The following FRS2 variants were observed in gnomAD, a reference collection of about 807,000 sequenced individuals.
FRS2 encodes FGFR signalling adaptor.
A neutral mutation model predicts 43.9 loss-of-function variants in FRS2; 8 were observed. That is an observed-to-expected ratio of 0.18 (90% CI 0.11 to 0.33). FRS2 has a LOEUF of 0.33. Ranked by LOEUF, FRS2 falls within the 10% of genes least tolerant of loss-of-function variation. FRS2 has a pLI of 1.00. For synonymous variants in FRS2, 219 were observed against 220.3 expected (o/e 0.99, Z 0.05); for missense variants, 534 against 627.6 (o/e 0.85, Z 1.59).
At position 69,569,080 on chromosome 12, in the gene FRS2, A is replaced by G; in HGVS notation, c.50A>G (p.His17Arg). ...CPDKDTVPDNHRNKFKVINVD... is the reference protein window; with the variant it reads ...CPDKDTVPDNRRNKFKVINVD... ...GATAAAGACACTGTCCCAGATAACC[A>G]TCGGAACAAGTTTAAGGTCAGTAAA... The change falls in exon 5 of 9, where the codon CAT (histidine) becomes CGT (arginine). Residue 17 changes from histidine to arginine, a missense_variant. This residue lies in a region of FRS2 where 76 missense variants were observed against 90.5 expected (regional missense o/e 0.84). Coordinates refer to ENST00000549921, the MANE Select transcript of FRS2 (RefSeq NM_001278356.2). 2.5e-6 allele frequency: 4 copies of G among 1,610,964 alleles called. No individual in the cohort carries two copies. Among genetic ancestry groups the G allele is most frequent in the Non-Finnish European group, 3.4e-6 (4 of 1,177,558 alleles).
At position 69,576,298 on chromosome 12, in the gene FRS2, A is replaced by T. The variant is rs532401920; in HGVS notation, c.*1343A>T. On this transcript the variant is annotated 3_prime_UTR_variant, in exon 9 of 9. Transcript: ENST00000549921. ...TATCCTTCGATTTCCATGAAATATT[A>T]ATATTGTTGCCAGCATAGCAGGTAC... 43 of 152,292 alleles carry T rather than the reference A, an allele frequency of 2.8e-4. No individual in the cohort carries two copies. The highest frequency in any genetic ancestry group is 9.4e-4 in the African/African-American group (39 of 41,566). The allele number at this position is 152,292 out of a possible 1,614,324, so 9.4% of individuals were successfully genotyped here. A position where few individuals can be genotyped will look rare whatever the true frequency, so the allele number is the denominator to read the frequency against.
At chr12:69,510,448 C>G (rs534201361) in intron 1 of FRS2, among the ~76,000 whole-genome samples, 1 of 152,140 alleles carries the variant, frequency 6.6e-6, no homozygotes, top group Admixed American at 6.6e-5. Flanking sequence ...AATACATATT[C>G]TGATACAGTT....
chr12:69,542,505 A>G (rs1292649222), intron 3 of FRS2, among the ~76,000 whole-genome samples: 1 of 152,202 alleles, frequency 6.6e-6, no homozygotes, highest in African/African-American at 2.4e-5. Flanking sequence ...GACTAGCTCT[A>G]AAATTCTTTA....
In FRS2 at chr12:69,555,346, T is replaced by C. The variant is rs192652429; in HGVS notation, c.-121-6834T>C. On this transcript the variant is annotated intron_variant, in intron 3 of 8. Transcript: ENST00000549921. ...AGGCATGAGCCACTGTGCCCAGCCC[T>C]TTTTTCTTATACTTAATTTTATATC... is the stretch of plus-strand genomic sequence containing the variant. Among the ~76,000 whole-genome samples the C allele has an allele frequency of 2.8e-3, 432 of 152,206 alleles. 4 individuals carry two copies. Among genetic ancestry groups the C allele is most frequent in the African/African-American group, 9.6e-3 (400 of 41,550 alleles).
intron 1 of FRS2, among the ~76,000 whole-genome samples, chr12:69,501,718 G>A (rs1873459893): frequency 6.6e-6 from 1 of 152,148 alleles, no homozygotes; most frequent in Admixed American, 6.5e-5. Context: ...CTCGAACTCT[G>A]GAGGGTGTGG....
At position 69,570,501 on chromosome 12, in the gene FRS2, G is replaced by A. The variant is rs375907210; in HGVS notation, c.237G>A (p.Arg79=). The change falls in exon 6 of 9, where the codon AGG becomes AGA. Residue 79 remains arginine, a synonymous_variant. Coordinates refer to ENST00000549921, the MANE Select transcript of FRS2 (RefSeq NM_001278356.2). ...SNLFSFESGR[R]CQTGQGIFAF... is the part of the protein sequence containing the mutation. The stretch of plus-strand genomic sequence containing the variant: ...TCTTTTCTTTTGAAAGTGGTCGAAG[G>A]TGTCAAACTGGACAAGGTAGAACCT... 113 of 1,608,172 alleles carry A rather than the reference G, an allele frequency of 7.0e-5. No individual in the cohort carries two copies. The highest frequency in any genetic ancestry group is 1.6e-4 in the Middle Eastern group (1 of 6,064).
intron 1 of FRS2, among the ~76,000 whole-genome samples, chr12:69,522,713 T>C (rs520866): frequency 0.094 from 14,242 of 152,264 alleles, 880 homozygotes; most frequent in Non-Finnish European, 0.14. Context: ...TCCTTCTGAC[T>C]TTTTTATGTG....
chr12:69,488,360 A>G (rs114233756), intron 1 of FRS2, among the ~76,000 whole-genome samples: 1,525 of 152,298 alleles, frequency 0.01, 29 homozygotes, highest in African/African-American at 0.035. Flanking sequence ...ACAAAACCCT[A>G]CACTAGCAAA....
chr12:69,562,185 A>G lies in FRS2; in HGVS notation c.-116A>G. On this transcript the variant is annotated 5_prime_UTR_variant, in exon 4 of 9. Coordinates refer to ENST00000549921, the MANE Select transcript of FRS2 (RefSeq NM_001278356.2). The stretch of plus-strand genomic sequence containing the variant: ...TGTTTTTCTTCTGTTTTTAGGTTAA[A>G]TCAGCAAACAAAGAAAACATGGTAT... 2.5e-6 allele frequency: 1 copy of G among 398,242 alleles called. No individual in the cohort carries two copies. The highest frequency in any genetic ancestry group is 4.4e-6 in the Non-Finnish European group (1 of 225,852). 24.7% of individuals were successfully genotyped at this position (398,242 alleles called of 1,614,324 possible).
rs201103216 is a variant in FRS2 at position 69,522,190 on chromosome 12, TTGTGTGTGTGTG to T, written c.-260-8639_-260-8628del. 3.2e-3 allele frequency among the ~76,000 whole-genome samples: 432 copies of T among 134,814 alleles called. 2 individuals carry two copies. Among genetic ancestry groups the T allele is most frequent in the Middle Eastern group, 3.6e-3 (1 of 274 alleles). The allele number at this position is 134,814 out of a possible 152,430, so 88.4% of individuals were successfully genotyped here. ...TCAAGGATATTGGCTGAAGTTTTCTTTGTGTGTGTGTGTGTGTGTGTGTGTGTGTGTGTGTGT... is the reference window on the plus strand; with the variant it reads ...TCAAGGATATTGGCTGAAGTTTTCTTTGTGTGTGTGTGTGTGTGTGTGTGT... On this transcript the variant is annotated intron_variant, in intron 1 of 8. Transcript: ENST00000549921.
chr12:69,555,510 G>A (rs565893139), intron 3 of FRS2, among the ~76,000 whole-genome samples: 3 of 152,274 alleles, frequency 2.0e-5, no homozygotes, highest in South Asian at 4.2e-4. Context: ...TTTCATGAGG[G>A]GGAATGTTAC....
intron 4 of FRS2, among the ~76,000 whole-genome samples, chr12:69,567,142 G>T (rs189657709): frequency 6.6e-6 from 1 of 151,816 alleles, no homozygotes; most frequent in African/African-American, 2.4e-5. Context: ...AAGGTTTATC[G>T]CAGTGCATTA....
At chr12:69,548,857 A>G (rs1231280451) in intron 3 of FRS2, among the ~76,000 whole-genome samples, 4 of 152,204 alleles carry the variant, frequency 2.6e-5, no homozygotes, top group Non-Finnish European at 4.4e-5. Context: ...GCTGCCTAAC[A>G]GGGGCCATTA....
intron 3 of FRS2, among the ~76,000 whole-genome samples, chr12:69,560,769 T>C (rs1291196817): frequency 2.0e-5 from 3 of 152,274 alleles, no homozygotes; most frequent in East Asian, 3.9e-4. Context: ...TTGGTAAAAT[T>C]GTTTTCTTTT....
chr12:69,576,661 A>G lies in FRS2; in HGVS notation c.*1706A>G, dbSNP rs757247333. The stretch of plus-strand genomic sequence containing the variant: ...TAGGACAATGATGGATTAGGAGAAC[A>G]ATAGAGTGGGATCATTATAAAGAAA... On this transcript the variant is annotated 3_prime_UTR_variant, in exon 9 of 9. Coordinates refer to ENST00000549921, the MANE Select transcript of FRS2 (RefSeq NM_001278356.2). The G allele has an allele frequency of 6.6e-6, 1 of 152,224 alleles. No individual in the cohort carries two copies. Among genetic ancestry groups the G allele is most frequent in the Admixed American group, 6.5e-5 (1 of 15,274 alleles). The allele number at this position is 152,224 out of a possible 1,614,324, so 9.4% of individuals were successfully genotyped here. A position where few individuals can be genotyped will look rare whatever the true frequency, so the allele number is the denominator to read the frequency against.
chr12:69,508,428 G>C (rs1874158238), intron 1 of FRS2, among the ~76,000 whole-genome samples: 1 of 152,110 alleles, frequency 6.6e-6, no homozygotes, highest in Non-Finnish European at 1.5e-5. Flanking sequence ...TTAATGAATT[G>C]TTCTACAAGA....
At chr12:69,554,305 A>G (rs1879158374) in intron 3 of FRS2, among the ~76,000 whole-genome samples, 1 of 152,196 alleles carries the variant, frequency 6.6e-6, no homozygotes, top group Non-Finnish European at 1.5e-5. Flanking sequence ...CAAATTAATC[A>G]GTGTTAACAT....
Position 69,575,066 on chromosome 12 carries a change from T to A in FRS2, c.*111T>A. 1.5e-6 allele frequency: 1 copy of A among 687,752 alleles called. No homozygotes were observed. The highest frequency in any genetic ancestry group is 2.7e-5 in the East Asian group (1 of 37,622). 42.6% of individuals were successfully genotyped at this position (687,752 alleles called of 1,614,324 possible). ...ACTCCTTTTATAGACTGATAAAATT[T>A]TTTTCTGAATATTTCATGTGCATCT... is the stretch of plus-strand genomic sequence containing the variant. On this transcript the variant is annotated 3_prime_UTR_variant, in exon 9 of 9. Coordinates refer to ENST00000549921, the MANE Select transcript of FRS2 (RefSeq NM_001278356.2).
intron 1 of FRS2, among the ~76,000 whole-genome samples, chr12:69,482,259 T>C (rs1362106794): frequency 6.6e-6 from 1 of 152,194 alleles, no homozygotes; most frequent in Non-Finnish European, 1.5e-5. Flanking sequence ...GAGGCAGATT[T>C]TTTGATACCA....
Sources: gnomAD v4.1 joint callset for allele counts (sites outside exome capture counted in the v4.1 genomes callset) on GRCh38, gnomAD v4.1.1 for gene constraint, gnomAD v4.1.1 regional missense constraint, MANE v1.5 for transcripts, NCBI Gene and HGNC (gene_info 2026-07-23, HGNC 2026-07-21) for gene names.